The following RRM2 variants were observed in gnomAD, a reference collection of about 807,000 sequenced individuals.
The protein encoded by RRM2 is ribonucleoside-diphosphate reductase subunit M2.
RRM2 carries 6 observed loss-of-function variants against 45.9 expected under a neutral mutation model. That is an observed-to-expected ratio of 0.13 (90% CI 0.07 to 0.26). The LOEUF (loss-of-function observed/expected upper bound fraction) is 0.26. RRM2 is among the 10% of genes least tolerant of loss of function. The pLI is 1.00. For missense variants in RRM2, 343 were observed against 489.5 expected (o/e 0.70, Z 2.82); for synonymous variants, 177 against 173.0 (o/e 1.02, Z -0.18).
In RRM2 at chr2:10,124,812, T is replaced by C. The variant is rs535074966; in HGVS notation, c.531T>C (p.Ser177=). The C allele has an allele frequency of 1.9e-6, 3 of 1,608,584 alleles. No individual in the cohort carries two copies. The highest frequency in any genetic ancestry group is 2.2e-5 in the South Asian group (2 of 90,820). Reference sequence around the variant, plus strand: ...AAAACATACATTCTGAAATGTATAGTCTTCTTATTGACACTTACATAAAAG... The same window carrying C: ...AAAACATACATTCTGAAATGTATAGCCTTCTTATTGACACTTACATAAAAG... ...AMENIHSEMY[S]LLIDTYIKDP... Residue 177 remains serine (S), a synonymous_variant, in exon 5 of 10, where the codon AGT becomes AGC. Transcript: ENST00000304567.
chr2:10,190,604 G>A (rs1486099091), intron 3 of RRM2, among the ~76,000 whole-genome samples: 1 of 151,348 alleles, frequency 6.6e-6, no homozygotes, highest in Non-Finnish European at 1.5e-5. Context: ...TGATGTTGGC[G>A]ATGATGGTGG....
At chr2:10,146,604 C>G (rs1663191839) in intron 3 of RRM2, among the ~76,000 whole-genome samples, 1 of 152,218 alleles carries the variant, frequency 6.6e-6, no homozygotes, top group Non-Finnish European at 1.5e-5. Context: ...TCCCTCCCCC[C>G]AGCGCATGCT....
At position 10,167,260 on chromosome 2, in the gene RRM2, A is replaced by G. The variant is rs545051584; in HGVS notation, n.482+24885A>G. Among the ~76,000 whole-genome samples the G allele has an allele frequency of 2.6e-5, 4 of 152,320 alleles. No homozygotes were observed. The South Asian group carries it at 8.3e-4, about 32-fold the overall frequency. On this transcript the variant is annotated intron_variant and non_coding_transcript_variant, in intron 3 of 3. Transcript: ENST00000381786. Reference sequence around the variant, plus strand: ...TGATTGTTGATAAAAGATTGAACCAATCAAGGAATGATGAGCCAGTGAAGG... The same window carrying G: ...TGATTGTTGATAAAAGATTGAACCAGTCAAGGAATGATGAGCCAGTGAAGG...
chr2:10,166,865 C>G (rs1419201253), intron 3 of RRM2, among the ~76,000 whole-genome samples: 2 of 152,362 alleles, frequency 1.3e-5, no homozygotes, highest in Non-Finnish European at 2.9e-5. Context: ...CATGGTCTCT[C>G]TCTCAGAGCT....
At chr2:10,190,426 GTGA>G (rs1462523472) in intron 3 of RRM2, among the ~76,000 whole-genome samples, 2 of 94,328 alleles carry the variant, frequency 2.1e-5, no homozygotes, top group African/African-American at 7.4e-5. Context: ...GGGGTTGGTG[GTGA>G]TGAGTGTGAT....
At chr2:10,144,690 T>C (rs1663153178) in intron 3 of RRM2, among the ~76,000 whole-genome samples, 1 of 152,174 alleles carries the variant, frequency 6.6e-6, no homozygotes, top group Non-Finnish European at 1.5e-5. Context: ...CGGAGATATT[T>C]ATATCTTTGC....
chr2:10,138,949 A>T (rs1427746833), upstream of RRM2, among the ~76,000 whole-genome samples: 1 of 152,120 alleles, frequency 6.6e-6, no homozygotes, highest in Non-Finnish European at 1.5e-5. Context: ...CTCTACTAAG[A>T]ATACAAAAAT....
chr2:10,190,903 TC>T (rs1438527756), intron 3 of RRM2, among the ~76,000 whole-genome samples: 3 of 152,214 alleles, frequency 2.0e-5, no homozygotes, highest in Non-Finnish European at 4.4e-5. Flanking sequence ...GTGATATAAG[TC>T]CCCATGCGCA....
Position 10,169,356 on chromosome 2 carries a change from G to T in RRM2, n.482+26981G>T, listed in dbSNP as rs1292522322. On this transcript the variant is annotated intron_variant and non_coding_transcript_variant, in intron 3 of 3. Transcript: ENST00000381786. This position sits in a 1 kb window ranked among gnomAD's most constrained non-coding sequence, Gnocchi z 5.1. The stretch of plus-strand genomic sequence containing the variant: ...ACGTGCAACATGAGGGGAAATCTTA[G>T]GTTAATTGCTGGGTCCAGAATTGCT... 6.6e-6 allele frequency among the ~76,000 whole-genome samples: 1 copy of T among 152,120 alleles called. No homozygotes were observed. Among genetic ancestry groups the T allele is most frequent in the Non-Finnish European group, 1.5e-5 (1 of 68,022 alleles).
intron 3 of RRM2, among the ~76,000 whole-genome samples, chr2:10,151,600 A>G (rs757303331): frequency 2.0e-5 from 3 of 152,002 alleles, no homozygotes; most frequent in Non-Finnish European, 2.9e-5. Flanking sequence ...ACCTGGCCAC[A>G]TTGCTGTTGA....
Position 10,123,805 on chromosome 2 carries a change from G to A in RRM2, c.388G>A (p.Val130Ile), listed in dbSNP as rs1337864885. 2 of 1,612,684 alleles carry A rather than the reference G, an allele frequency of 1.2e-6. No homozygotes were observed. Among genetic ancestry groups the A allele is most frequent in the Non-Finnish European group, 1.7e-6 (2 of 1,178,788 alleles). The change falls in exon 4 of 10, where the codon GTT (valine) becomes ATT (isoleucine). Residue 130 changes from valine to isoleucine, a missense_variant. This residue lies in a region of RRM2 where 212 missense variants were observed against 368.1 expected (regional missense o/e 0.58). Transcript: ENST00000304567. ...KPEERYFISH[V>I]LAFFAASDGI... is the part of the protein sequence containing the mutation. ...CGAGGAGAGATATTTTATATCCCATGTTCTGGCTTTCTTTGCAGCAAGCGA... is the reference window on the plus strand; with the variant it reads ...CGAGGAGAGATATTTTATATCCCATATTCTGGCTTTCTTTGCAGCAAGCGA...
downstream of RRM2, among the ~76,000 whole-genome samples, chr2:10,135,693 C>T (rs2125310220): frequency 6.6e-6 from 1 of 152,158 alleles, no homozygotes; most frequent in South Asian, 2.1e-4. Flanking sequence ...TAAATGATTG[C>T]CAAACTAAAC....
intron 3 of RRM2, among the ~76,000 whole-genome samples, chr2:10,186,978 G>C (rs1664180843): frequency 6.6e-6 from 1 of 152,252 alleles, no homozygotes; most frequent in African/African-American, 2.4e-5. Flanking sequence ...GTGCCCAGGA[G>C]TCCCCCGAAG....
At chr2:10,123,692 T>A (rs1235308959) in intron 3 of RRM2, 44 bp from the exon 4 acceptor site, 7 of 1,427,694 alleles carry the variant, frequency 4.9e-6, no homozygotes, top group Non-Finnish European at 6.9e-6. Flanking sequence ...CTGTAGGCTT[T>A]ACTCTCTTCC....
chr2:10,167,513 C>A (rs930274872), intron 3 of RRM2, among the ~76,000 whole-genome samples: 1 of 152,192 alleles, frequency 6.6e-6, no homozygotes, highest in Admixed American at 6.5e-5. Flanking sequence ...CTGCACGCTG[C>A]GCCCTGCCTT....
chr2:10,188,776 A>G (rs1664221721), intron 3 of RRM2, among the ~76,000 whole-genome samples: 1 of 152,088 alleles, frequency 6.6e-6, no homozygotes, highest in South Asian at 2.1e-4. Context: ...AACACACCAG[A>G]CCCCTGAAGA....
At chr2:10,167,438 A>G (rs534494861) in intron 3 of RRM2, among the ~76,000 whole-genome samples, 82 of 152,200 alleles carry the variant, frequency 5.4e-4, no homozygotes, top group African/African-American at 1.9e-3. Flanking sequence ...GAGGACAAAC[A>G]GTGGGGTGGT....
intron 3 of RRM2, among the ~76,000 whole-genome samples, chr2:10,196,601 C>G (rs1042592796): frequency 1.7e-4 from 26 of 152,194 alleles, no homozygotes; most frequent in Admixed American, 9.2e-4. Context: ...GCAAAACCCT[C>G]TGTGTGTGGA....
chr2:10,136,244 G>A (rs1347768206), downstream of RRM2, among the ~76,000 whole-genome samples: 1 of 152,222 alleles, frequency 6.6e-6, no homozygotes, highest in Non-Finnish European at 1.5e-5. Flanking sequence ...GGGCAGAGGG[G>A]TTGAGGCCCA....
Sources: allele counts gnomAD v4.1 joint callset (sites outside exome capture counted in the v4.1 genomes callset), GRCh38; gene constraint gnomAD v4.1.1; regional missense constraint gnomAD v4.1.1; non-coding constraint Gnocchi (gnomAD v3.1); transcripts MANE v1.5; gene names NCBI Gene and HGNC (gene_info 2026-07-23, HGNC 2026-07-21).